Variants in LRCH3 observed in about 807,000 individuals in gnomAD.
The protein encoded by LRCH3 is leucine rich repeats and calponin homology domain containing 3, also known as DISP complex protein LRCH3.
In LRCH3, 68 loss-of-function variants were observed where a neutral mutation model predicts 104.5. The observed-to-expected ratio is 0.65, with a 90% CI of 0.54 to 0.80. The LOEUF (loss-of-function observed/expected upper bound fraction) is 0.80, where lower values mean the gene tolerates loss of function less well. Among genes scored for constraint, LRCH3 ranks in the 30% least tolerant of loss-of-function variants. LRCH3 has a pLI of 0.00. For missense variants in LRCH3, 951 were observed against 953.9 expected, an observed-to-expected ratio of 1.00 and a Z score of 0.04; for synonymous variants, 344 against 361.3, an observed-to-expected ratio of 0.95 and a Z score of 0.54.
intron 20 of LRCH3, chr3:197,882,107 G>T: frequency 1.0e-6 from 1 of 985,406 alleles, no homozygotes; most frequent in Non-Finnish European, 1.2e-6. Flanking sequence ...GGTTGTAATT[G>T]TACATTCTCT....
intron 1 of LRCH3, among the ~76,000 whole-genome samples, chr3:197,798,546 A>G (rs1251231180): frequency 1.3e-5 from 2 of 152,250 alleles, no homozygotes; most frequent in Non-Finnish European, 2.9e-5. Context: ...ATGCAGTGTC[A>G]TTGGAGCTAT....
intron 9 of LRCH3, among the ~76,000 whole-genome samples, chr3:197,836,893 G>A (rs1736877343): frequency 6.6e-6 from 1 of 152,138 alleles, no homozygotes; most frequent in African/African-American, 2.4e-5. Context: ...GGCCAGGCTG[G>A]TCTCAAACTC....
intron 19 of LRCH3, among the ~76,000 whole-genome samples, chr3:197,871,745 G>A (rs1182352746): frequency 1.3e-5 from 2 of 152,150 alleles, no homozygotes; most frequent in African/African-American, 2.4e-5. Flanking sequence ...TTCCCAGAAC[G>A]GGCAAAATTT....
chr3:197,826,759 C>G lies in LRCH3; in HGVS notation c.641-119C>G, dbSNP rs1735251142. 5.6e-6 allele frequency: 7 copies of G among 1,250,180 alleles called. No homozygotes were observed. The Middle Eastern group carries it at 5.7e-4, about 102-fold the overall frequency. 77.4% of individuals were successfully genotyped at this position (1,250,180 alleles called of 1,614,324 possible). On this transcript the variant is annotated intron_variant, in intron 4 of 20. Transcript: ENST00000425562. ...TTTTACCACTTTGCTACCAGTTAAT[C>G]ACTAAAAGAGAATGGGAGTAAATAT...
At chr3:197,803,989 G>A (rs1331692960) in intron 1 of LRCH3, among the ~76,000 whole-genome samples, 3 of 152,160 alleles carry the variant, frequency 2.0e-5, no homozygotes, top group Non-Finnish European at 2.9e-5. Context: ...CGGGTGTGGT[G>A]GCTCACGCCT....
At chr3:197,797,992 G>A (rs993904677) in intron 1 of LRCH3, among the ~76,000 whole-genome samples, 26 of 151,966 alleles carry the variant, frequency 1.7e-4, no homozygotes, top group Non-Finnish European at 4.4e-5. Flanking sequence ...AGTGGCTCAC[G>A]CCTGTAACCC....
At chr3:197,873,108 C>T (rs148763466) in intron 19 of LRCH3, among the ~76,000 whole-genome samples, 4 of 152,266 alleles carry the variant, frequency 2.6e-5, no homozygotes, top group African/African-American at 9.6e-5. Flanking sequence ...TTCAGGATGG[C>T]AGTCCACAAA....
At position 197,885,824 on chromosome 3, in the gene LRCH3, G is replaced by A. The variant is rs575344342; in HGVS notation, c.*2158G>A. The A allele has an allele frequency of 4.6e-5, 7 of 152,210 alleles. No individual in the cohort carries two copies. The highest frequency in any genetic ancestry group is 9.6e-5 in the African/African-American group (4 of 41,518). 9.4% of individuals were successfully genotyped at this position (152,210 alleles called of 1,614,324 possible). A position where few individuals can be genotyped will look rare whatever the true frequency, so the allele number is the denominator to read the frequency against. Reference sequence around the variant, plus strand: ...TGTAAAACAAGTAAATAAAGTAAGCGGAAGATATCTCTTTTGTTTCTGTAG... The same window carrying A: ...TGTAAAACAAGTAAATAAAGTAAGCAGAAGATATCTCTTTTGTTTCTGTAG... On this transcript the variant is annotated 3_prime_UTR_variant, in exon 21 of 21. Transcript: ENST00000425562.
Position 197,854,386 on chromosome 3 carries a change from C to T in LRCH3, c.1591-6C>T, listed in dbSNP as rs1458024216. 4.3e-6 allele frequency: 7 copies of T among 1,613,938 alleles called. No homozygotes were observed. Among genetic ancestry groups the T allele is most frequent in the Non-Finnish European group, 5.9e-6 (7 of 1,179,790 alleles). Reference sequence around the variant, plus strand: ...GACATGGCTTCATTTTTCTCCATCTCTCCAGTGCCCCTTCCCATCCAGAAG... The same window carrying T: ...GACATGGCTTCATTTTTCTCCATCTTTCCAGTGCCCCTTCCCATCCAGAAG... On this transcript the variant is annotated splice_polypyrimidine_tract_variant and splice_region_variant and intron_variant, in intron 13 of 20. Transcript: ENST00000425562. This position sits in a 1 kb window ranked among gnomAD's most constrained non-coding sequence, Gnocchi z 4.5.
At chr3:197,879,983 T>C (rs923152132) in intron 20 of LRCH3, among the ~76,000 whole-genome samples, 37 of 150,992 alleles carry the variant, frequency 2.5e-4, no homozygotes, top group Non-Finnish European at 4.6e-4. Context: ...TCTCGCTCTG[T>C]CACCCAGGCT....
At chr3:197,798,262 A>G (rs1010538873) in intron 1 of LRCH3, among the ~76,000 whole-genome samples, 2 of 152,098 alleles carry the variant, frequency 1.3e-5, no homozygotes, top group African/African-American at 4.8e-5. Flanking sequence ...CCCTGTCTCA[A>G]AAAAAATAAA....
At chr3:197,807,055 C>T (rs1415758807) in intron 1 of LRCH3, among the ~76,000 whole-genome samples, 2 of 149,908 alleles carry the variant, frequency 1.3e-5, no homozygotes, top group East Asian at 4.0e-4. Context: ...AAAAAACAAA[C>T]AAACATGCAT....
intron 9 of LRCH3, 48 bp from the exon 10 acceptor site, chr3:197,839,273 G>A (rs1238279613): frequency 7.8e-7 from 1 of 1,274,056 alleles, no homozygotes; most frequent in Non-Finnish European, 1.1e-6. Flanking sequence ...TAATCGCAGT[G>A]TTCTGGATTA....
intron 3 of LRCH3, among the ~76,000 whole-genome samples, chr3:197,818,851 C>T (rs891948712): frequency 2.6e-5 from 4 of 152,132 alleles, no homozygotes; most frequent in Admixed American, 6.6e-5. Context: ...CCCAGCCAGG[C>T]GCAGTGGCTC....
In LRCH3 at chr3:197,883,008, C is replaced by G; in HGVS notation, c.2209-533C>G. On this transcript the variant is annotated intron_variant, in intron 20 of 20. Coordinates refer to ENST00000425562, the MANE Select transcript of LRCH3 (RefSeq NM_001365715.1). This position sits in a 1 kb window ranked among gnomAD's most constrained non-coding sequence, Gnocchi z 4.2. ...GGATACACTGAGTTTCTTGCCCTAT[C>G]TGGTCTGGAAACCCTGGTTTTCACA... is the stretch of plus-strand genomic sequence containing the variant. 1.0e-6 allele frequency: 1 copy of G among 985,392 alleles called. No homozygotes were observed. The highest frequency in any genetic ancestry group is 1.2e-6 in the Non-Finnish European group (1 of 829,902). 61.0% of individuals were successfully genotyped at this position (985,392 alleles called of 1,614,324 possible). A position where few individuals can be genotyped will look rare whatever the true frequency, so the allele number is the denominator to read the frequency against.
At chr3:197,828,491 G>A (rs1240898506) in intron 5 of LRCH3, among the ~76,000 whole-genome samples, 5 of 151,662 alleles carry the variant, frequency 3.3e-5, no homozygotes, top group African/African-American at 1.2e-4. Context: ...GAGTACAGGT[G>A]CCTGCCACCA....
At chr3:197,848,478 G>A (rs115167156) in intron 12 of LRCH3, 3,399 of 153,148 alleles carry the variant, frequency 0.022, 62 homozygotes, top group East Asian at 0.05. Flanking sequence ...AATTAACAAC[G>A]CCATTAATAT....
intron 1 of LRCH3, among the ~76,000 whole-genome samples, chr3:197,808,478 A>T (rs1219930003): frequency 6.6e-6 from 1 of 152,116 alleles, no homozygotes; most frequent in Non-Finnish European, 1.5e-5. Flanking sequence ...TCCATTACTC[A>T]TTCTTTTAGA....
At chr3:197,880,963 G>GC in intron 20 of LRCH3, 15 of 1,361,342 alleles carry the variant, frequency 1.1e-5, no homozygotes, top group Non-Finnish European at 1.4e-5. Flanking sequence ...CATTCTCCTG[G>GC]CCTGTGGCCT....
Sources: gnomAD v4.1 joint callset for allele counts (sites outside exome capture counted in the v4.1 genomes callset) on GRCh38, gnomAD v4.1.1 for gene constraint, Gnocchi (gnomAD v3.1) non-coding constraint, MANE v1.5 for transcripts, NCBI Gene and HGNC (gene_info 2026-07-23, HGNC 2026-07-21) for gene names.